LIMS2: variants seen among roughly 807,000 people sequenced by gnomAD.
The protein encoded by LIMS2 is LIM and senescent cell antigen-like-containing domain protein 2.
In LIMS2, 30 loss-of-function variants were observed where a neutral mutation model predicts 45.3. The ratio of observed to expected loss-of-function variants is 0.66; its 90% confidence interval spans 0.50 to 0.90. The LOEUF (loss-of-function observed/expected upper bound fraction) is 0.90. Ranked by LOEUF, LIMS2 falls within the 40% of genes least tolerant of loss-of-function variation. The probability of loss-of-function intolerance (pLI) is 0.00; values close to 1 mark genes in which losing one functional copy is unlikely to be tolerated. For synonymous variants in LIMS2, 173 were observed against 188.0 expected (o/e 0.92, Z 0.65); for missense variants, 485 against 468.7 (o/e 1.03, Z -0.32).
At chr2:127,661,506 C>A (rs562258392) in intron 1 of LIMS2, among the ~76,000 whole-genome samples, 1 of 152,340 alleles carries the variant, frequency 6.6e-6, no homozygotes, top group Admixed American at 6.5e-5. Context: ...ATTCCATGTC[C>A]TCCTTTGCAC....
chr2:127,644,200 G>A lies in LIMS2; in HGVS notation c.360-1128C>T, dbSNP rs6758628. The A allele has an allele frequency of 7.8e-4, 339 of 436,142 alleles. 1 individual carries two copies. The highest frequency in any genetic ancestry group is 6.2e-3 in the African/African-American group (306 of 49,696). The allele number at this position is 436,142 out of a possible 1,614,324, so 27.0% of individuals were successfully genotyped here. The stretch of plus-strand genomic sequence containing the variant: ...CCCAGCAGTCACTGGCTAAGCTGCC[G>A]ACTGGCTCTCTGTGCCTCCCCAAGA... On this transcript the variant is annotated intron_variant, in intron 4 of 9. Coordinates refer to ENST00000355119, the MANE Select transcript of LIMS2 (RefSeq NM_001161403.3).
chr2:127,651,993 C>T (rs1406168846), intron 4 of LIMS2: 11 of 565,686 alleles, frequency 1.9e-5, no homozygotes, highest in South Asian at 5.2e-5. Flanking sequence ...AGACACTCAA[C>T]GACTTCATCT....
intron 1 of LIMS2, among the ~76,000 whole-genome samples, chr2:127,660,677 G>C (rs73954688): frequency 7.0e-6 from 1 of 142,572 alleles, no homozygotes; most frequent in Admixed American, 6.8e-5. Context: ...AACACTCACC[G>C]TGAGGGTCCA....
intron 3 of LIMS2, 69 bp downstream of exon 3, chr2:127,654,761 G>A (rs573088905): frequency 2.6e-6 from 4 of 1,545,316 alleles, no homozygotes; most frequent in East Asian, 2.3e-5. Flanking sequence ...TACCCCCTCG[G>A]CCCCCTGCCC....
chr2:127,670,026 T>G (rs918181120), intron 1 of LIMS2, among the ~76,000 whole-genome samples: 2 of 152,222 alleles, frequency 1.3e-5, no homozygotes, highest in African/African-American at 4.8e-5. Flanking sequence ...ACATTCCTGG[T>G]GTAAAATTTA....
At position 127,654,821 on chromosome 2, in the gene LIMS2, C is replaced by T. The variant is rs767238091; in HGVS notation, c.238+9G>A. 82 of 1,613,744 alleles carry T rather than the reference C, an allele frequency of 5.1e-5. No individual in the cohort carries two copies. The highest frequency in any genetic ancestry group is 8.3e-5 in the Admixed American group (5 of 60,010). Reference sequence around the variant, plus strand: ...GGCAGCCCAGGATGTGTACTGTCACCGGCCTTACCGCAGGATCCACAGCAC... The same window carrying T: ...GGCAGCCCAGGATGTGTACTGTCACTGGCCTTACCGCAGGATCCACAGCAC... On this transcript the variant is annotated intron_variant, in intron 3 of 9. Coordinates refer to ENST00000355119, the MANE Select transcript of LIMS2 (RefSeq NM_001161403.3).
At chr2:127,669,373 C>T (rs1009981119) in intron 1 of LIMS2, among the ~76,000 whole-genome samples, 10 of 152,032 alleles carry the variant, frequency 6.6e-5, no homozygotes, top group African/African-American at 1.9e-4. Context: ...GTGTATCAAA[C>T]GACACAATCA....
Position 127,642,819 on chromosome 2 carries a change from C to CT in LIMS2, c.509+103dup. The CT allele has an allele frequency of 1.4e-5, 18 of 1,318,046 alleles. No individual in the cohort carries two copies. The highest frequency in any genetic ancestry group is 1.8e-5 in the Non-Finnish European group (17 of 967,898). The allele number at this position is 1,318,046 out of a possible 1,614,324, so 81.6% of individuals were successfully genotyped here. ...CCCTCTGTCTGCCCACCCTGCTCCC[C>CT]TCTCCCTCCTCAACACTTCCCCAGG... On this transcript the variant is annotated intron_variant, in intron 5 of 9. Transcript: ENST00000355119. This position sits in a 1 kb window ranked among gnomAD's most constrained non-coding sequence, Gnocchi z 5.3.
chr2:127,665,131 C>A (rs1684937716), intron 1 of LIMS2, among the ~76,000 whole-genome samples: 2 of 152,178 alleles, frequency 1.3e-5, no homozygotes, highest in African/African-American at 4.8e-5. Flanking sequence ...ACTTGTGATT[C>A]ATAAACACCC....
chr2:127,651,211 T>C (rs1245270311), intron 4 of LIMS2: 5 of 1,609,844 alleles, frequency 3.1e-6, no homozygotes, highest in Non-Finnish European at 4.2e-6. Flanking sequence ...TGGGTGGTGG[T>C]GGCTGTGGCC....
At chr2:127,669,332 A>T (rs1685177007) in intron 1 of LIMS2, among the ~76,000 whole-genome samples, 1 of 152,268 alleles carries the variant, frequency 6.6e-6, no homozygotes, top group Non-Finnish European at 1.5e-5. Flanking sequence ...GAATAAGGAA[A>T]TAAATTGGAT....
At chr2:127,656,836 T>A (rs1684290976) in intron 2 of LIMS2, among the ~76,000 whole-genome samples, 1 of 152,228 alleles carries the variant, frequency 6.6e-6, no homozygotes, top group East Asian at 1.9e-4. Context: ...CCAAGCGAGA[T>A]CCACCTCCCT....
rs1558878488 is a variant in LIMS2, at chr2:127,649,190, A to AGGAAGGAAGGAAGGAAGGAAGGAG, written c.359+5233_359+5234insCTCCTTCCTTCCTTCCTTCCTTCC. On this transcript the variant is annotated intron_variant, in intron 4 of 9. Transcript: ENST00000355119. ...TAGGAAGGAAGGAAGGAAGGAAGGA[A>AGGAAGGAAGGAAGGAAGGAAGGAG]GGAAGGAAGGAAGGAAGGAAGGGCA... Among the ~76,000 whole-genome samples, 127 of 151,430 alleles carry AGGAAGGAAGGAAGGAAGGAAGGAG rather than the reference A, an allele frequency of 8.4e-4. 1 individual carries two copies. Among genetic ancestry groups the AGGAAGGAAGGAAGGAAGGAAGGAG allele is most frequent in the African/African-American group, 2.8e-3 (116 of 41,310 alleles).
chr2:127,656,412 TTTC>T (rs1283950888), intron 2 of LIMS2, among the ~76,000 whole-genome samples: 2 of 147,384 alleles, frequency 1.4e-5, no homozygotes, highest in East Asian at 2.0e-4. Context: ...TTTTTTTTTC[TTTC>T]TTTTTTTTTT....
At chr2:127,640,379 C>G in intron 7 of LIMS2, 61 bp from the exon 8 acceptor site, 2 of 1,561,106 alleles carry the variant, frequency 1.3e-6, no homozygotes, top group South Asian at 1.1e-5. Flanking sequence ...CCAGGGCCAT[C>G]ATGCAGCCAG....
chr2:127,673,034 G>A (rs535373471), intron 1 of LIMS2, among the ~76,000 whole-genome samples: 8 of 152,274 alleles, frequency 5.3e-5, no homozygotes, highest in East Asian at 1.9e-4. Context: ...GAAAACTCTC[G>A]CCCACTCCGA....
At position 127,673,873 on chromosome 2, in the gene LIMS2, G is replaced by A. The variant is rs1053537784; in HGVS notation, c.11+1141C>T. 37 of 761,130 alleles carry A rather than the reference G, an allele frequency of 4.9e-5. 1 individual carries two copies. The highest frequency in any genetic ancestry group is 4.6e-4 in the South Asian group (29 of 62,866). The allele number at this position is 761,130 out of a possible 1,614,324, so 47.1% of individuals were successfully genotyped here. A position where few individuals can be genotyped will look rare whatever the true frequency, so the allele number is the denominator to read the frequency against. Reference sequence around the variant, plus strand: ...GGCCTGCAGATGCCACTCTCCGGGGGATGAGTCCCTCCATCTCACTGCAGA... The same window carrying A: ...GGCCTGCAGATGCCACTCTCCGGGGAATGAGTCCCTCCATCTCACTGCAGA... On this transcript the variant is annotated intron_variant, in intron 1 of 9. Transcript: ENST00000355119.
chr2:127,678,485 T>A (rs984729573), upstream of LIMS2, among the ~76,000 whole-genome samples: 19 of 152,112 alleles, frequency 1.2e-4, no homozygotes, highest in African/African-American at 4.3e-4. The surrounding 1 kb of genome is among the most constrained non-coding windows in gnomAD (Gnocchi z 5.3). Context: ...GACAGAGTGG[T>A]CTCAGGGACA....
chr2:127,650,571 A>T (rs1683639932), intron 4 of LIMS2: 1 of 623,410 alleles, frequency 1.6e-6, no homozygotes, highest in Non-Finnish European at 2.8e-6. Flanking sequence ...ATGGACAAGG[A>T]GGTCCCCTCA....
Sources: allele counts gnomAD v4.1 joint callset (sites outside exome capture counted in the v4.1 genomes callset), GRCh38; gene constraint gnomAD v4.1.1; non-coding constraint Gnocchi (gnomAD v3.1); transcripts MANE v1.5; gene names NCBI Gene and HGNC (gene_info 2026-07-23, HGNC 2026-07-21).